Variants in ZNF25 observed in about 807,000 individuals in gnomAD.
ZNF25 encodes the protein zinc finger protein 25 (KOX 19).
ZNF25 carries 21 observed loss-of-function variants against 30.9 expected under a neutral mutation model. The ratio of observed to expected loss-of-function variants is 0.68; its 90% CI spans 0.48 to 0.98. ZNF25 has a LOEUF of 0.98. Ranked by LOEUF, ZNF25 falls within the 50% of genes least tolerant of loss-of-function variation. The pLI is 0.00. For synonymous variants in ZNF25, 169 were observed against 181.3 expected, an observed-to-expected ratio of 0.93 and a Z score of 0.55; for missense variants, 501 against 529.9, an observed-to-expected ratio of 0.95 and a Z score of 0.54.
intron 2 of ZNF25, among the ~76,000 whole-genome samples, chr10:37,962,059 A>G (rs2062912836): frequency 6.6e-6 from 1 of 151,944 alleles, no homozygotes; most frequent in African/African-American, 2.4e-5. Context: ...ACATGGTGAA[A>G]CCCCATCTCT....
chr10:37,971,203 C>A (rs1026369053), intron 2 of ZNF25, among the ~76,000 whole-genome samples: 1 of 151,706 alleles, frequency 6.6e-6, no homozygotes, highest in Non-Finnish European at 1.5e-5. Context: ...GTAATCCCAG[C>A]TACTCATGAG....
At position 37,951,929 on chromosome 10, in the gene ZNF25, G is replaced by A. The variant is rs993995300; in HGVS notation, c.*198C>T. The A allele has an allele frequency of 2.2e-6, 1 of 457,954 alleles. No homozygotes were observed. Among genetic ancestry groups the A allele is most frequent in the Non-Finnish European group, 3.7e-6 (1 of 267,058 alleles). 28.4% of individuals were successfully genotyped at this position (457,954 alleles called of 1,614,324 possible). A position where few individuals can be genotyped will look rare whatever the true frequency, so the allele number is the denominator to read the frequency against. ...TGCCATCTATATTATCTAATATTTAGAAAAGCCTAAAATATGATAAAATTT... is the reference window on the plus strand; with the variant it reads ...TGCCATCTATATTATCTAATATTTAAAAAAGCCTAAAATATGATAAAATTT... On this transcript the variant is annotated 3_prime_UTR_variant, in exon 6 of 6. Transcript: ENST00000302609.
chr10:37,973,037 G>A (rs182757742), intron 1 of ZNF25, among the ~76,000 whole-genome samples: 6 of 152,034 alleles, frequency 3.9e-5, no homozygotes, highest in Admixed American at 2.0e-4. Context: ...GTGTGGTGGC[G>A]CATGCCTGTA....
intron 1 of ZNF25, among the ~76,000 whole-genome samples, chr10:37,973,687 T>A (rs531681607): frequency 5.9e-5 from 9 of 152,116 alleles, no homozygotes; most frequent in Admixed American, 2.6e-4. Flanking sequence ...ATTAATATTG[T>A]TAAAATGTCC....
In ZNF25 at chr10:37,952,910, AT is replaced by A. The variant is rs775678850; in HGVS notation, c.587del (p.His196LeufsTer46). 3.7e-6 allele frequency: 6 copies of A among 1,614,110 alleles called. No individual in the cohort carries two copies. The South Asian group carries it at 6.6e-5, about 18-fold the overall frequency. ...TACATTCATAGGGTTTCTCTCCTGC[AT>A]GGGTTCTCAGATGTCTACTGAGAGA... ...LSSLSRHLRT[H>X]AGEKPYECNQ... On this transcript the variant is annotated frameshift_variant, in exon 6 of 6. Transcript: ENST00000302609. LOFTEE classifies it high-confidence loss of function.
chr10:37,955,152 TA>T (rs375433658), intron 4 of ZNF25, among the ~76,000 whole-genome samples: 2,311 of 140,114 alleles, frequency 0.016, 45 homozygotes, highest in African/African-American at 0.046. Flanking sequence ...AGACTCCATA[TA>T]AAAAAAAAAA....
In ZNF25 at chr10:37,952,688, C is replaced by T. The variant is rs1486551356; in HGVS notation, c.810G>A (p.Lys270=). The T allele has an allele frequency of 6.2e-7, 1 of 1,610,292 alleles. No homozygotes were observed. Among genetic ancestry groups the T allele is most frequent in the Non-Finnish European group, 8.5e-7 (1 of 1,178,884 alleles). ...TTCTCTGATGTACTGTGAGGTGTGA[C>T]TTCTGGGAAAAGGCTTTCCCACACT... ...CKECGKAFSQ[K]SHLTVHQRMH... is the part of the protein sequence containing the mutation. The change falls in exon 6 of 6, where the codon AAG becomes AAA. Residue 270 remains lysine, a synonymous_variant. Transcript: ENST00000302609.
In ZNF25 at chr10:37,953,083, T is replaced by C; in HGVS notation, c.415A>G (p.Thr139Ala). Residue 139 changes from threonine to alanine, a missense_variant, in exon 6 of 6, where the codon ACT (threonine) becomes GCT (alanine). Transcript: ENST00000302609. ...TCATAGGATTTGCCCTTTGAGTGAG[T>C]ATGCTGATGTACTATGAGGGCAGAC... Reference protein sequence around the residue: ...QKSALIVHQHTHSKGKSYDCD... With the variant: ...QKSALIVHQHAHSKGKSYDCD... 6.2e-7 allele frequency: 1 copy of C among 1,613,998 alleles called. No homozygotes were observed. Among genetic ancestry groups the C allele is most frequent in the Non-Finnish European group, 8.5e-7 (1 of 1,179,998 alleles).
rs1326784851 is a variant in ZNF25, at chr10:37,950,692, G to A, written c.*1435C>T. ...AATGTTAACTCATTTAGACCTCAAA[G>A]CAATCCTAAGATGTTGTCACTATCA... On this transcript the variant is annotated 3_prime_UTR_variant, in exon 6 of 6. Coordinates refer to ENST00000302609, the MANE Select transcript of ZNF25 (RefSeq NM_145011.4). The A allele has an allele frequency of 2.0e-5, 3 of 151,888 alleles. No individual in the cohort carries two copies. The highest frequency in any genetic ancestry group is 7.3e-5 in the African/African-American group (3 of 41,332). The allele number at this position is 151,888 out of a possible 1,614,324, so 9.4% of individuals were successfully genotyped here.
intron 1 of ZNF25, among the ~76,000 whole-genome samples, chr10:37,972,032 C>T (rs1443819231): frequency 6.6e-6 from 1 of 152,034 alleles, no homozygotes; most frequent in East Asian, 1.9e-4. Context: ...CTGAATAACA[C>T]AAAAGAATCG....
intron 2 of ZNF25, among the ~76,000 whole-genome samples, chr10:37,958,852 AG>A (rs1286369780): frequency 1.3e-5 from 2 of 152,160 alleles, no homozygotes; most frequent in African/African-American, 4.8e-5. Flanking sequence ...GTTTGAGACC[AG>A]CCTGGCCAAC....
chr10:37,974,964 C>T (rs1401902232), intron 1 of ZNF25, among the ~76,000 whole-genome samples: 1 of 152,040 alleles, frequency 6.6e-6, no homozygotes, highest in Non-Finnish European at 1.5e-5. Context: ...ATTGCAGCAA[C>T]AAAGATGGAA....
At chr10:37,967,403 C>G (rs536531617) in intron 2 of ZNF25, among the ~76,000 whole-genome samples, 1 of 151,788 alleles carries the variant, frequency 6.6e-6, no homozygotes. Flanking sequence ...CATGTATCTA[C>G]GACCACATGA....
At chr10:37,974,401 C>T (rs911762942) in intron 1 of ZNF25, among the ~76,000 whole-genome samples, 3 of 152,026 alleles carry the variant, frequency 2.0e-5, no homozygotes, top group Non-Finnish European at 4.4e-5. Context: ...CCAGAATATA[C>T]AAGGAACTCA....
chr10:37,959,143 T>G (rs1590221870), intron 2 of ZNF25, among the ~76,000 whole-genome samples: 1 of 152,224 alleles, frequency 6.6e-6, no homozygotes, highest in Admixed American at 6.5e-5. Context: ...AAATGTCTTA[T>G]ATATCTCTGG....
At chr10:37,958,038 C>T (rs533813287) in intron 2 of ZNF25, among the ~76,000 whole-genome samples, 1 of 152,268 alleles carries the variant, frequency 6.6e-6, no homozygotes, top group East Asian at 1.9e-4. Flanking sequence ...TGTAAGGACA[C>T]TCTATGATGT....
rs555263054 is a variant in ZNF25 at position 37,973,711 on chromosome 10, C to G, written c.-85-1904G>C. On this transcript the variant is annotated intron_variant, in intron 1 of 5. Coordinates refer to ENST00000302609, the MANE Select transcript of ZNF25 (RefSeq NM_145011.4). ...GTTAAAATGTCCATAGTACTAAAAG[C>G]AGTCTACAGATTAAATGCAATCCAT... Among the ~76,000 whole-genome samples, 4 of 151,888 alleles carry G rather than the reference C, an allele frequency of 2.6e-5. No homozygotes were observed. In the South Asian group the frequency reaches 8.3e-4, roughly 32 times the overall value.
intron 2 of ZNF25, among the ~76,000 whole-genome samples, chr10:37,967,221 G>C (rs1188007606): frequency 6.6e-6 from 1 of 152,160 alleles, no homozygotes; most frequent in African/African-American, 2.4e-5. Flanking sequence ...ATACGGAATT[G>C]CAAGGGGTCC....
At chr10:37,963,015 G>T (rs1644929045) in intron 2 of ZNF25, among the ~76,000 whole-genome samples, 1 of 151,208 alleles carries the variant, frequency 6.6e-6, no homozygotes, top group African/African-American at 2.4e-5. Flanking sequence ...CATTAAAGCT[G>T]ACAAAAACTG....
Sources: gnomAD v4.1 joint callset for allele counts (sites outside exome capture counted in the v4.1 genomes callset) on GRCh38, gnomAD v4.1.1 for gene constraint, MANE v1.5 for transcripts, NCBI Gene and HGNC (gene_info 2026-07-23, HGNC 2026-07-21) for gene names.